PKIB: variants seen among roughly 807,000 people sequenced by gnomAD.
The protein encoded by PKIB is PKI-beta.
Under a neutral mutation model 4.5 loss-of-function variants are expected in PKIB, and 2 were observed. That is an observed-to-expected ratio of 0.44 (90% CI 0.18 to 1.39). The LOEUF is 1.39. Ranked by LOEUF, PKIB falls within the 40% of genes most tolerant of loss-of-function variation. The pLI is 0.27. For missense variants in PKIB, 94 were observed against 92.6 expected (o/e 1.02, Z -0.06); for synonymous variants, 38 against 36.0 (o/e 1.06, Z -0.20).
chr6:122,492,253 A>G (rs1333466600), intron 2 of PKIB, among the ~76,000 whole-genome samples: 1 of 152,196 alleles, frequency 6.6e-6, no homozygotes, highest in African/African-American at 2.4e-5. Flanking sequence ...ATTGATTGTA[A>G]GCATATTGAG....
intron 2 of PKIB, among the ~76,000 whole-genome samples, chr6:122,523,517 A>G (rs1777008120): frequency 1.3e-5 from 2 of 151,956 alleles, no homozygotes; most frequent in South Asian, 2.1e-4. Flanking sequence ...ATGAGATCTG[A>G]TGGGTTTAAA....
intron 1 of PKIB, among the ~76,000 whole-genome samples, chr6:122,617,385 A>G (rs1198753696): frequency 1.3e-5 from 2 of 152,144 alleles, no homozygotes; most frequent in African/African-American, 4.8e-5. Flanking sequence ...GCTCCCTGAG[A>G]TGCTTGTGGA....
chr6:122,538,291 C>T (rs1777471843), intron 2 of PKIB, among the ~76,000 whole-genome samples: 1 of 152,058 alleles, frequency 6.6e-6, no homozygotes, highest in Non-Finnish European at 1.5e-5. Context: ...AGGTTTTCTT[C>T]TAGGGTTTTT....
chr6:122,550,897 G>T (rs746440550), intron 2 of PKIB, among the ~76,000 whole-genome samples: 1 of 152,030 alleles, frequency 6.6e-6, no homozygotes, highest in Non-Finnish European at 1.5e-5. Context: ...TTATTTTACC[G>T]TATCACTGCT....
chr6:122,509,825 C>A (rs758074760), intron 2 of PKIB, among the ~76,000 whole-genome samples: 4 of 151,986 alleles, frequency 2.6e-5, no homozygotes, highest in African/African-American at 9.7e-5. Flanking sequence ...TGAATAATAA[C>A]CCCCATTGGG....
Position 122,566,590 on chromosome 6 carries a change from T to C in PKIB, c.-247-19331T>C, listed in dbSNP as rs542519290. Among the ~76,000 whole-genome samples, 10 of 152,032 alleles carry C rather than the reference T, an allele frequency of 6.6e-5. No homozygotes were observed. The East Asian group carries it at 1.7e-3, about 26-fold the overall frequency. ...TAATATAGGCCTACTCCCAGAAAAT[T>C]GTATTACCATTTTGAAATAATTCCT... On this transcript the variant is annotated intron_variant, in intron 2 of 6. Transcript: ENST00000392491.
chr6:122,586,057 C>G (rs1330196305), intron 3 of PKIB: 1 of 152,070 alleles, frequency 6.6e-6, no homozygotes, highest in African/African-American at 2.4e-5. Context: ...ATGTGCCTAG[C>G]AGCTAATAGA....
Position 122,701,432 on chromosome 6 carries a change from A to G in PKIB, c.-8-16355A>G, listed in dbSNP as rs551808444. The G allele has an allele frequency of 9.0e-4, 1,415 of 1,568,846 alleles. 21 individuals are homozygous for G. In the South Asian group the frequency reaches 0.015, roughly 17 times the overall value. On this transcript the variant is annotated intron_variant, in intron 3 of 4. Coordinates refer to ENST00000368452, the MANE Select transcript of PKIB (RefSeq NM_181795.3). The stretch of plus-strand genomic sequence containing the variant: ...GGTTAAGGCACTGTTTTCTCATTGC[A>G]TTTACAGGCTGAAGCTTCAGAGATC...
intron 2 of PKIB, among the ~76,000 whole-genome samples, chr6:122,572,937 C>G (rs1164826239): frequency 6.6e-6 from 1 of 151,934 alleles, no homozygotes; most frequent in Non-Finnish European, 1.5e-5. Context: ...AACTAGAAAC[C>G]CTGAACAGAC....
chr6:122,662,309 T>A (rs1374943888), intron 2 of PKIB, among the ~76,000 whole-genome samples: 7 of 44,684 alleles, frequency 1.6e-4, no homozygotes, highest in Non-Finnish European at 2.0e-4. Context: ...CCTTGTCTCC[T>A]TTTTTTTTTT....
intron 2 of PKIB, among the ~76,000 whole-genome samples, chr6:122,484,643 A>G (rs1775712094): frequency 6.6e-6 from 1 of 152,242 alleles, no homozygotes; most frequent in African/African-American, 2.4e-5. Context: ...AGACTTTGAC[A>G]AATACTGCCA....
chr6:122,717,549 C>T (rs1779548555), intron 3 of PKIB: 2 of 468,658 alleles, frequency 4.3e-6, no homozygotes, highest in African/African-American at 4.0e-5. Context: ...CCAAGTGGCT[C>T]ATTCGGCTCA....
rs879482914 is a variant in PKIB, at chr6:122,473,110, C to CA, written c.-337+1078dup. On this transcript the variant is annotated intron_variant, in intron 1 of 6. Coordinates refer to the PKIB transcript ENST00000392491. ...TGGGCTGCAGAGCGAGACTCCGTCT[C>CA]AAAAAAAAAGAATAGTGGAAATGGA... 4.1e-4 allele frequency among the ~76,000 whole-genome samples: 61 copies of CA among 149,486 alleles called. No homozygotes were observed. The East Asian group carries it at 8.2e-3, about 20-fold the overall frequency.
intron 2 of PKIB, among the ~76,000 whole-genome samples, chr6:122,527,449 T>G (rs987648198): frequency 1.3e-5 from 2 of 152,132 alleles, no homozygotes; most frequent in Non-Finnish European, 1.5e-5. Context: ...TATGTGCAAA[T>G]TTTTCTTTAT....
At chr6:122,716,580 C>T (rs572628832) in intron 3 of PKIB, among the ~76,000 whole-genome samples, 13 of 152,144 alleles carry the variant, frequency 8.5e-5, no homozygotes, top group African/African-American at 3.1e-4. Context: ...TCCTGGACTC[C>T]TAAGGACCAT....
At chr6:122,473,481 G>A (rs1039634950) in intron 1 of PKIB, among the ~76,000 whole-genome samples, 2 of 152,080 alleles carry the variant, frequency 1.3e-5, no homozygotes, top group African/African-American at 4.8e-5. Context: ...GTAACACTTG[G>A]CCTTGAAATA....
chr6:122,510,409 A>G (rs1191067363), intron 2 of PKIB, among the ~76,000 whole-genome samples: 4 of 152,218 alleles, frequency 2.6e-5, no homozygotes, highest in Non-Finnish European at 5.9e-5. Context: ...AAACTTTTCA[A>G]TGATATCTGG....
intron 1 of PKIB, among the ~76,000 whole-genome samples, chr6:122,472,482 G>A (rs114732005): frequency 7.6e-4 from 116 of 152,276 alleles, no homozygotes; most frequent in African/African-American, 2.7e-3. Flanking sequence ...GAGCTGTTGA[G>A]GCATGTGGAA....
chr6:122,518,462 C>T (rs1009826550), intron 2 of PKIB, among the ~76,000 whole-genome samples: 2 of 152,048 alleles, frequency 1.3e-5, no homozygotes, highest in Admixed American at 6.6e-5. Context: ...GGGAAGATTT[C>T]ATGAAACAAA....
Sources: allele counts gnomAD v4.1 joint callset (sites outside exome capture counted in the v4.1 genomes callset), GRCh38; gene constraint gnomAD v4.1.1; transcripts MANE v1.5; gene names NCBI Gene and HGNC (gene_info 2026-07-23, HGNC 2026-07-21).